The following CEP112 variants were observed in gnomAD, a reference collection of about 807,000 sequenced individuals.
The protein encoded by CEP112 is centrosomal protein 112, also known as centrosomal protein of 112 kDa.
In CEP112, 127 loss-of-function variants were observed where a neutral mutation model predicts 153.0. That is an observed-to-expected ratio of 0.83 (90% confidence interval 0.72 to 0.96). The LOEUF (loss-of-function observed/expected upper bound fraction) is 0.96. Among genes scored for constraint, CEP112 ranks in the 40% least tolerant of loss-of-function variants. CEP112 has a pLI of 0.00. For missense variants in CEP112, 1,089 were observed against 1,101.2 expected, an observed-to-expected ratio of 0.99 and a Z score of 0.16; for synonymous variants, 358 against 374.4, an observed-to-expected ratio of 0.96 and a Z score of 0.51.
chr17:66,113,232 T>C (rs1029865231), intron 6 of CEP112, among the ~76,000 whole-genome samples: 10 of 152,170 alleles, frequency 6.6e-5, no homozygotes, highest in East Asian at 1.9e-4. Flanking sequence ...CATATATACA[T>C]ATACATATGT....
chr17:65,854,813 T>C (rs2058073127), intron 20 of CEP112, among the ~76,000 whole-genome samples: 1 of 152,236 alleles, frequency 6.6e-6, no homozygotes, highest in African/African-American at 2.4e-5. Context: ...TTTTACCTTT[T>C]GTTCTTTGTT....
intron 1 of CEP112, among the ~76,000 whole-genome samples, chr17:66,187,595 A>G (rs73992267): frequency 0.058 from 8,829 of 152,054 alleles, 271 homozygotes; most frequent in East Asian, 0.072. Flanking sequence ...TCGGTCTCTC[A>G]ATGGCTCTGG....
intron 18 of CEP112, among the ~76,000 whole-genome samples, chr17:65,939,939 A>C (rs2061459064): frequency 1.3e-5 from 2 of 152,160 alleles, no homozygotes; most frequent in Non-Finnish European, 2.9e-5. Context: ...ACAATCAACA[A>C]AGTAAAAAAA....
intron 21 of CEP112, among the ~76,000 whole-genome samples, chr17:65,794,076 C>T (rs1340261734): frequency 6.6e-6 from 1 of 152,152 alleles, no homozygotes; most frequent in Non-Finnish European, 1.5e-5. Flanking sequence ...GGTAGTCTTC[C>T]AGGCACTGGG....
chr17:65,769,056 C>A (rs7221371), intron 21 of CEP112, among the ~76,000 whole-genome samples: 72,949 of 151,858 alleles, frequency 0.48, 19,204 homozygotes, highest in East Asian at 0.78. Flanking sequence ...CACACAAAAA[C>A]CTATTAGATC....
At chr17:65,787,852 A>G (rs544803686) in intron 21 of CEP112, among the ~76,000 whole-genome samples, 170 of 152,342 alleles carry the variant, frequency 1.1e-3, no homozygotes, top group Admixed American at 3.3e-3. Context: ...ACAGACAATC[A>G]TATCATCAGT....
At chr17:65,891,132 T>C (rs2059449700) in intron 20 of CEP112, among the ~76,000 whole-genome samples, 1 of 152,118 alleles carries the variant, frequency 6.6e-6, no homozygotes, top group African/African-American at 2.4e-5. Context: ...ACTAAATGAA[T>C]GAATGGATAT....
Position 65,896,008 on chromosome 17 carries a change from A to T in CEP112, c.2163+6144T>A, listed in dbSNP as rs185794988. ...AATTTTAATATTTCTAAAGAAATCC[A>T]TTAAATATAATGAGAACAAAAGATA... On this transcript the variant is annotated intron_variant, in intron 20 of 26. Coordinates refer to ENST00000535342, the MANE Select transcript of CEP112 (RefSeq NM_001199165.4). 7.9e-5 allele frequency among the ~76,000 whole-genome samples: 12 copies of T among 152,236 alleles called. No individual in the cohort carries two copies. The East Asian group carries it at 2.3e-3, about 29-fold the overall frequency.
intron 24 of CEP112, among the ~76,000 whole-genome samples, chr17:65,668,400 C>G (rs2046806044): frequency 6.6e-6 from 1 of 152,218 alleles, no homozygotes; most frequent in African/African-American, 2.4e-5. Context: ...AAGTCAGGAA[C>G]TTTCTACCCA....
Position 65,870,947 on chromosome 17 carries a change from G to A in CEP112, c.2164-18913C>T, listed in dbSNP as rs1238463279. On this transcript the variant is annotated intron_variant, in intron 20 of 26. Transcript: ENST00000535342. ...ACTTACTGTACTTCCCCTTTCCAGG[G>A]AAGCAGAGTTTTGACCTAGGTTTTT... Among the ~76,000 whole-genome samples, 3 of 152,172 alleles carry A rather than the reference G, an allele frequency of 2.0e-5. No homozygotes were observed. The East Asian group carries it at 5.8e-4, about 29-fold the overall frequency.
chr17:66,085,633 G>A lies in CEP112; in HGVS notation c.768+10618C>T, dbSNP rs1273217788. On this transcript the variant is annotated intron_variant, in intron 8 of 26. Coordinates refer to ENST00000535342, the MANE Select transcript of CEP112 (RefSeq NM_001199165.4). ...TTTATGTAATTATGAATAAGAATGG[G>A]GTGATATTTCTGATATGGAAAAAAT... Among the ~76,000 whole-genome samples, 3 of 152,226 alleles carry A rather than the reference G, an allele frequency of 2.0e-5. No homozygotes were observed. The East Asian group carries it at 5.8e-4, about 29-fold the overall frequency.
chr17:65,840,475 C>T (rs1598747042), intron 21 of CEP112, among the ~76,000 whole-genome samples: 1 of 152,040 alleles, frequency 6.6e-6, no homozygotes, highest in Non-Finnish European at 1.5e-5. Context: ...AACCAGGACC[C>T]TATCTCTCAC....
At chr17:65,803,067 T>A (rs963274083) in intron 21 of CEP112, among the ~76,000 whole-genome samples, 1 of 152,218 alleles carries the variant, frequency 6.6e-6, no homozygotes, top group Non-Finnish European at 1.5e-5. Context: ...TGAGCTAACA[T>A]GTGAGATATC....
chr17:65,919,752 G>C (rs1054834465), intron 19 of CEP112, among the ~76,000 whole-genome samples: 1 of 152,140 alleles, frequency 6.6e-6, no homozygotes, highest in African/African-American at 2.4e-5. Context: ...ACTCACACTG[G>C]AAACTTACTT....
intron 21 of CEP112, among the ~76,000 whole-genome samples, chr17:65,848,317 A>G (rs1311672304): frequency 2.0e-5 from 3 of 152,184 alleles, no homozygotes; most frequent in African/African-American, 7.2e-5. Context: ...AAGATCATCA[A>G]TGACTTTGTG....
At chr17:65,927,022 A>C (rs1256664677) in intron 19 of CEP112, among the ~76,000 whole-genome samples, 3 of 152,010 alleles carry the variant, frequency 2.0e-5, no homozygotes, top group Non-Finnish European at 2.9e-5. Flanking sequence ...GCCTTGTGGG[A>C]GGTGTTTGGA....
At chr17:65,970,832 C>T (rs1422678532) in intron 17 of CEP112, among the ~76,000 whole-genome samples, 1 of 43,924 alleles carries the variant, frequency 2.3e-5, no homozygotes, top group Non-Finnish European at 4.8e-5. Flanking sequence ...TGCATGCATG[C>T]ACATTACATG....
intron 8 of CEP112, among the ~76,000 whole-genome samples, chr17:66,081,115 A>T (rs187369180): frequency 6.6e-6 from 1 of 152,350 alleles, no homozygotes. Context: ...TACCTATGTA[A>T]CAAACCTGTA....
intron 23 of CEP112, among the ~76,000 whole-genome samples, chr17:65,689,573 C>T (rs1417989591): frequency 2.6e-5 from 4 of 152,158 alleles, no homozygotes; most frequent in Non-Finnish European, 4.4e-5. Flanking sequence ...GCAATGTACA[C>T]TTACACTCTG....
Sources: allele counts gnomAD v4.1 joint callset (sites outside exome capture counted in the v4.1 genomes callset), GRCh38; gene constraint gnomAD v4.1.1; transcripts MANE v1.5; gene names NCBI Gene and HGNC (gene_info 2026-07-23, HGNC 2026-07-21).